The following GTF2E2 variants were observed in gnomAD, a reference collection of about 807,000 sequenced individuals.
GTF2E2 encodes general transcription factor IIE subunit 2, also known as transcription initiation factor IIE subunit beta.
In GTF2E2, 21 loss-of-function variants were observed where a neutral mutation model predicts 40.5. That is an observed-to-expected ratio of 0.52 (90% CI 0.37 to 0.75). The LOEUF is 0.75. Among genes scored for constraint, GTF2E2 ranks in the 30% least tolerant of loss-of-function variants. GTF2E2 has a pLI of 0.00. For missense variants in GTF2E2, 298 were observed against 338.4 expected (o/e 0.88, Z 0.94); for synonymous variants, 117 against 121.6 (o/e 0.96, Z 0.25).
chr8:30,594,448 G>A (rs1269863130), intron 6 of GTF2E2, among the ~76,000 whole-genome samples: 2 of 151,394 alleles, frequency 1.3e-5, no homozygotes, highest in African/African-American at 2.4e-5. Context: ...AGTAGAGATA[G>A]GGTTTCACCA....
chr8:30,640,368 C>A (rs920338775), intron 2 of GTF2E2, among the ~76,000 whole-genome samples: 1 of 152,150 alleles, frequency 6.6e-6, no homozygotes, highest in Admixed American at 6.6e-5. Flanking sequence ...TAACACTGCA[C>A]TGGGGCCTTT....
At position 30,635,112 on chromosome 8, in the gene GTF2E2, C is replaced by T; in HGVS notation, c.178G>A (p.Gly60Arg). The change falls in exon 3 of 8, where the codon GGA becomes AGA. Residue 60 changes from glycine (G) to arginine (R), a missense_variant. Transcript: ENST00000355904. ...GACAAAGCTTTCAAGTTAAATGATC[C>T]ATTGCTATGATCTGCAAATGAAGTT... Reference protein sequence around the residue: ...GSKQNSDHSNGSFNLKALSGS... With the variant: ...GSKQNSDHSNRSFNLKALSGS... 1 of 1,591,560 alleles carries T rather than the reference C, an allele frequency of 6.3e-7. No homozygotes were observed. Among genetic ancestry groups the T allele is most frequent in the Non-Finnish European group, 8.6e-7 (1 of 1,160,464 alleles).
At chr8:30,627,349 T>C (rs910419202) in intron 3 of GTF2E2, among the ~76,000 whole-genome samples, 8 of 149,970 alleles carry the variant, frequency 5.3e-5, no homozygotes, top group African/African-American at 2.0e-4. Flanking sequence ...GGTGTCTTCA[T>C]ATCTGGAAAC....
At chr8:30,589,355 AAGACC>A (rs1180641407) in intron 6 of GTF2E2, among the ~76,000 whole-genome samples, 1 of 152,208 alleles carries the variant, frequency 6.6e-6, no homozygotes, top group African/African-American at 2.4e-5. Flanking sequence ...CCAGAAGTTC[AAGACC>A]AGTCTGGGCA....
chr8:30,618,066 A>T (rs1277769032), intron 3 of GTF2E2, among the ~76,000 whole-genome samples: 1 of 152,154 alleles, frequency 6.6e-6, no homozygotes, highest in Non-Finnish European at 1.5e-5. Context: ...TGGGAGGCCG[A>T]GGCAGATGGA....
intron 6 of GTF2E2, among the ~76,000 whole-genome samples, chr8:30,604,172 C>G (rs926454585): frequency 4.6e-5 from 7 of 151,920 alleles, no homozygotes; most frequent in Non-Finnish European, 8.8e-5. Flanking sequence ...TAACCATAAC[C>G]AAAATCTGAC....
At chr8:30,637,971 T>C (rs1482159629) in intron 2 of GTF2E2, among the ~76,000 whole-genome samples, 1 of 152,244 alleles carries the variant, frequency 6.6e-6, no homozygotes, top group East Asian at 1.9e-4. Context: ...ACTCTGTCTC[T>C]AAAGAGCCAA....
chr8:30,585,774 A>G (rs1184209273), intron 6 of GTF2E2, among the ~76,000 whole-genome samples: 1 of 8,668 alleles, frequency 1.2e-4, no homozygotes, highest in South Asian at 4.3e-3. Context: ...TTGCCCTTTA[A>G]AAAAAAAAAA....
intron 3 of GTF2E2, among the ~76,000 whole-genome samples, chr8:30,630,406 CCA>C (rs1189375388): frequency 6.6e-6 from 1 of 152,170 alleles, no homozygotes; most frequent in African/African-American, 2.4e-5. Context: ...GGAACTTTTT[CCA>C]CAGTTTCTAA....
intron 3 of GTF2E2, among the ~76,000 whole-genome samples, chr8:30,629,939 CA>C (rs1801394363): frequency 6.6e-6 from 1 of 151,916 alleles, no homozygotes. Flanking sequence ...ATCATTTTAT[CA>C]AAAATAAAGT....
intron 2 of GTF2E2, 55 bp downstream of exon 2, chr8:30,653,378 T>C: frequency 7.2e-7 from 1 of 1,386,458 alleles, no homozygotes; most frequent in Non-Finnish European, 1.0e-6. Flanking sequence ...AACTAAACGG[T>C]TTCCTCCTGA....
chr8:30,639,879 C>T (rs779958180), intron 2 of GTF2E2, among the ~76,000 whole-genome samples: 5 of 151,764 alleles, frequency 3.3e-5, no homozygotes, highest in Admixed American at 6.6e-5. Flanking sequence ...CTAGATCTGT[C>T]CAGGTTCAGC....
At chr8:30,591,325 AAAATT>A (rs900886533) in intron 6 of GTF2E2, among the ~76,000 whole-genome samples, 1 of 152,038 alleles carries the variant, frequency 6.6e-6, no homozygotes, top group African/African-American at 2.4e-5. Flanking sequence ...GCCTCTATAA[AAAATT>A]AAAATATTAC....
intron 6 of GTF2E2, among the ~76,000 whole-genome samples, chr8:30,598,005 C>T (rs183645531): frequency 5.8e-4 from 88 of 152,250 alleles, no homozygotes; most frequent in African/African-American, 1.8e-3. Flanking sequence ...TATATCCTAC[C>T]AAAGAATAGT....
chr8:30,602,754 C>CA (rs35330702), intron 6 of GTF2E2, among the ~76,000 whole-genome samples: 1,170 of 91,952 alleles, frequency 0.013, 37 homozygotes, highest in African/African-American at 0.043. Context: ...AACTCCGTCT[C>CA]AAAAAAAAAA....
At chr8:30,582,866 T>A (rs113351419) in intron 6 of GTF2E2, among the ~76,000 whole-genome samples, 467 of 152,328 alleles carry the variant, frequency 3.1e-3, no homozygotes, top group Non-Finnish European at 4.9e-3. Context: ...AGTTTTTCCT[T>A]TGTAGTTAAT....
intron 2 of GTF2E2, among the ~76,000 whole-genome samples, chr8:30,641,776 C>A (rs767587306): frequency 6.6e-6 from 1 of 152,050 alleles, no homozygotes; most frequent in Non-Finnish European, 1.5e-5. Flanking sequence ...ATTCGGGAGG[C>A]TGAGGCAGGA....
At chr8:30,587,580 T>A (rs1209717648) in intron 6 of GTF2E2, among the ~76,000 whole-genome samples, 1 of 151,494 alleles carries the variant, frequency 6.6e-6, no homozygotes, top group East Asian at 1.9e-4. Flanking sequence ...CAAAAGAAGA[T>A]ATACAAATGA....
At chr8:30,628,804 G>A (rs757627833) in intron 3 of GTF2E2, among the ~76,000 whole-genome samples, 4 of 152,024 alleles carry the variant, frequency 2.6e-5, no homozygotes, top group Non-Finnish European at 4.4e-5. Flanking sequence ...GGTGGCACAC[G>A]CCTGTAATCC....
Sources: allele counts gnomAD v4.1 joint callset (sites outside exome capture counted in the v4.1 genomes callset), GRCh38; gene constraint gnomAD v4.1.1; transcripts MANE v1.5; gene names NCBI Gene and HGNC (gene_info 2026-07-23, HGNC 2026-07-21).